The following ASAP1 variants were observed in gnomAD, a reference collection of about 807,000 sequenced individuals.
ASAP1 encodes ArfGAP with SH3 domain, ankyrin repeat and PH domain 1, also known as arf-GAP with SH3 domain, ANK repeat and PH domain-containing protein 1.
ASAP1 carries 43 observed loss-of-function variants against 145.2 expected under a neutral mutation model. The observed-to-expected ratio is 0.30, with a 90% confidence interval of 0.23 to 0.38. The LOEUF (loss-of-function observed/expected upper bound fraction) is 0.38. Among genes scored for constraint, ASAP1 ranks in the 10% least tolerant of loss-of-function variants. ASAP1 has a pLI of 1.00. For missense variants in ASAP1, 1,018 were observed against 1,355.3 expected (o/e 0.75, Z 3.91); for synonymous variants, 546 against 515.5 (o/e 1.06, Z -0.80).
chr8:130,186,196 T>G (rs1814717653), intron 7 of ASAP1, among the ~76,000 whole-genome samples: 4 of 152,216 alleles, frequency 2.6e-5, no homozygotes, highest in Admixed American at 2.6e-4. Flanking sequence ...CAGCATTCAT[T>G]TATCAGTTGA....
At chr8:130,202,448 A>T (rs1815927274) in intron 5 of ASAP1, among the ~76,000 whole-genome samples, 1 of 152,236 alleles carries the variant, frequency 6.6e-6, no homozygotes, top group East Asian at 1.9e-4. Flanking sequence ...ATTCTGGAAC[A>T]GAGTGGGCAC....
intron 27 of ASAP1, 148 bp downstream of exon 27, chr8:130,076,200 T>C (rs111859390): frequency 3.4e-4 from 180 of 528,522 alleles, no homozygotes; most frequent in African/African-American, 3.1e-3. Context: ...CGTCATTTAA[T>C]GTGTATTTAC....
intron 2 of ASAP1, among the ~76,000 whole-genome samples, chr8:130,372,592 T>C (rs142808658): frequency 2.5e-3 from 380 of 152,350 alleles, no homozygotes; most frequent in African/African-American, 8.8e-3. Context: ...CAGGGTTCTT[T>C]AGAATTCAAG....
intron 2 of ASAP1, among the ~76,000 whole-genome samples, chr8:130,359,939 G>A (rs1826630715): frequency 6.6e-6 from 1 of 152,242 alleles, no homozygotes; most frequent in African/African-American, 2.4e-5. Flanking sequence ...GCACTGTTAA[G>A]CCTCACATCC....
At chr8:130,242,261 T>TAAAAA (rs571916495) in intron 3 of ASAP1, among the ~76,000 whole-genome samples, 42 of 85,288 alleles carry the variant, frequency 4.9e-4, no homozygotes, top group African/African-American at 1.1e-3. Flanking sequence ...GTGATTTCCT[T>TAAAAA]AAAAAAAAAA....
At chr8:130,266,237 G>A (rs924481805) in intron 3 of ASAP1, among the ~76,000 whole-genome samples, 32 of 152,172 alleles carry the variant, frequency 2.1e-4, no homozygotes, top group African/African-American at 7.7e-4. Flanking sequence ...GTGAAGGTGC[G>A]GCTGGAGGAG....
At chr8:130,257,140 C>T (rs927814142) in intron 3 of ASAP1, among the ~76,000 whole-genome samples, 8 of 152,048 alleles carry the variant, frequency 5.3e-5, no homozygotes, top group Admixed American at 1.3e-4. Context: ...TCTTTGGAGC[C>T]TGTGTGGGCC....
chr8:130,188,191 A>C lies in ASAP1; in HGVS notation c.406-8T>G, dbSNP rs1814871469. ...GTGGCTCAAACCCTGGAGCTGAAAA[A>C]GCAAAGGGAAGATGGGAGATGGTTA... is the stretch of plus-strand genomic sequence containing the variant. On this transcript the variant is annotated splice_region_variant and splice_polypyrimidine_tract_variant and intron_variant, in intron 5 of 29. Transcript: ENST00000518721. 2 of 1,610,458 alleles carry C rather than the reference A, an allele frequency of 1.2e-6. No homozygotes were observed. Among genetic ancestry groups the C allele is most frequent in the Non-Finnish European group, 1.7e-6 (2 of 1,176,882 alleles).
intron 5 of ASAP1, among the ~76,000 whole-genome samples, chr8:130,212,708 G>C (rs1298916778): frequency 2.0e-5 from 3 of 152,178 alleles, no homozygotes; most frequent in African/African-American, 7.2e-5. Flanking sequence ...AGATGGTTTT[G>C]TATGGAGACA....
At chr8:130,406,957 T>G (rs1279763844) in intron 1 of ASAP1, among the ~76,000 whole-genome samples, 1 of 152,212 alleles carries the variant, frequency 6.6e-6, no homozygotes, top group Non-Finnish European at 1.5e-5. Flanking sequence ...GGAAGCTTTC[T>G]CCAATTTTCC....
At chr8:130,346,008 T>G (rs192456512) in intron 3 of ASAP1, among the ~76,000 whole-genome samples, 1 of 152,352 alleles carries the variant, frequency 6.6e-6, no homozygotes, top group Admixed American at 6.5e-5. Flanking sequence ...TTGGTAGGCA[T>G]ATATATAAAG....
At chr8:130,249,929 T>C (rs1240890947) in intron 3 of ASAP1, among the ~76,000 whole-genome samples, 2 of 152,174 alleles carry the variant, frequency 1.3e-5, no homozygotes, top group Non-Finnish European at 2.9e-5. Context: ...CTTCTGGCTC[T>C]GATTTCTGAA....
intron 26 of ASAP1, 26 bp downstream of exon 26, chr8:130,079,876 G>T: frequency 6.2e-7 from 1 of 1,605,186 alleles, no homozygotes; most frequent in African/African-American, 1.3e-5. Context: ...ATCCAACAGG[G>T]GAAATGAAGC....
At chr8:130,236,628 A>G (rs1188844066) in intron 4 of ASAP1, among the ~76,000 whole-genome samples, 1 of 152,144 alleles carries the variant, frequency 6.6e-6, no homozygotes, top group Non-Finnish European at 1.5e-5. Flanking sequence ...CCAAATTCAC[A>G]CAGAGATTTT....
In ASAP1 at chr8:130,334,927, G is replaced by C. The variant is rs79457215; in HGVS notation, c.186+23090C>G. On this transcript the variant is annotated intron_variant, in intron 3 of 29. Coordinates refer to ENST00000518721, the MANE Select transcript of ASAP1 (RefSeq NM_018482.4). ...CTTTAGATTATCCAAATACATATCA[G>C]ACCTCCAACCCTCCTTTCAGAATAT... 3.8e-3 allele frequency among the ~76,000 whole-genome samples: 574 copies of C among 152,234 alleles called. 5 individuals carry two copies. The highest frequency in any genetic ancestry group is 0.014 in the African/African-American group (562 of 41,538).
chr8:130,080,266 G>C (rs1198527547), intron 25 of ASAP1, among the ~76,000 whole-genome samples: 1 of 152,216 alleles, frequency 6.6e-6, no homozygotes, highest in Non-Finnish European at 1.5e-5. Flanking sequence ...TCAGGATCTT[G>C]TCCTTAGTTT....
At chr8:130,341,921 G>T (rs1226373996) in intron 3 of ASAP1, among the ~76,000 whole-genome samples, 1 of 152,236 alleles carries the variant, frequency 6.6e-6, no homozygotes, top group Non-Finnish European at 1.5e-5. Context: ...TGGACCGAGA[G>T]ATGGGAAGAG....
chr8:130,136,358 T>A (rs548186607), intron 14 of ASAP1, among the ~76,000 whole-genome samples: 1 of 151,842 alleles, frequency 6.6e-6, no homozygotes, highest in Admixed American at 6.6e-5. Flanking sequence ...AGTAGAAGAG[T>A]GACAGGGTGC....
intron 1 of ASAP1, among the ~76,000 whole-genome samples, chr8:130,422,814 A>G (rs997874095): frequency 6.6e-6 from 1 of 152,230 alleles, no homozygotes; most frequent in Non-Finnish European, 1.5e-5. Flanking sequence ...TGGGACTTGG[A>G]GCAAGCCAGT....
Sources: allele counts gnomAD v4.1 joint callset (sites outside exome capture counted in the v4.1 genomes callset), GRCh38; gene constraint gnomAD v4.1.1; transcripts MANE v1.5; gene names NCBI Gene and HGNC (gene_info 2026-07-23, HGNC 2026-07-21).